Variants in RBFOX1 observed in about 807,000 individuals in gnomAD.
RBFOX1 encodes the protein RNA binding fox-1 homolog 1.
A neutral mutation model predicts 57.7 loss-of-function variants in RBFOX1; 8 were observed. The ratio of observed to expected loss-of-function variants is 0.14; its 90% confidence interval spans 0.08 to 0.25. The LOEUF (loss-of-function observed/expected upper bound fraction) is 0.25, where lower values mean the gene tolerates loss of function less well. Ranked by LOEUF, RBFOX1 falls within the 10% of genes least tolerant of loss-of-function variation. The pLI is 1.00. For synonymous variants in RBFOX1, 326 were observed against 222.4 expected (o/e 1.47, Z -4.15); for missense variants, 611 against 548.5 (o/e 1.11, Z -1.14).
At chr16:6,590,600 C>G (rs1263872307) in intron 2 of RBFOX1, among the ~76,000 whole-genome samples, 1 of 152,164 alleles carries the variant, frequency 6.6e-6, no homozygotes, top group African/African-American at 2.4e-5. Flanking sequence ...AAGCAGTTCT[C>G]AGCTTAAGAA....
chr16:6,966,190 G>C (rs375547127), intron 3 of RBFOX1, among the ~76,000 whole-genome samples: 2 of 152,074 alleles, frequency 1.3e-5, no homozygotes, highest in South Asian at 2.1e-4. Flanking sequence ...CTATCTCTCT[G>C]AGCCAGCTGC....
chr16:7,512,053 C>T (rs961895109), intron 4 of RBFOX1, among the ~76,000 whole-genome samples: 1 of 151,992 alleles, frequency 6.6e-6, no homozygotes, highest in South Asian at 2.1e-4. Flanking sequence ...CACCCACAAG[C>T]ACCCTGACTC....
chr16:6,975,693 G>A (rs1423577150), intron 3 of RBFOX1, among the ~76,000 whole-genome samples: 1 of 152,110 alleles, frequency 6.6e-6, no homozygotes, highest in Non-Finnish European at 1.5e-5. Context: ...TCTTCCCTTG[G>A]AACATCAATT....
At chr16:5,711,866 G>A (rs755505157) in intron 3 of RBFOX1, among the ~76,000 whole-genome samples, 11 of 152,208 alleles carry the variant, frequency 7.2e-5, no homozygotes, top group Admixed American at 1.3e-4. Flanking sequence ...AATAGTAACA[G>A]CCTCTATTTA....
chr16:5,553,029 A>G (rs2045524257), intron 2 of RBFOX1, among the ~76,000 whole-genome samples: 1 of 152,134 alleles, frequency 6.6e-6, no homozygotes, highest in Admixed American at 6.5e-5. Context: ...AACTGTCACA[A>G]GGATAGAAAA....
intron 5 of RBFOX1, among the ~76,000 whole-genome samples, chr16:7,566,668 G>C (rs939176400): frequency 8.5e-5 from 13 of 152,072 alleles, no homozygotes; most frequent in African/African-American, 2.9e-4. Flanking sequence ...TTTCCATCCT[G>C]TATCCCAGAC....
chr16:6,473,583 G>A (rs2095225698), intron 2 of RBFOX1, among the ~76,000 whole-genome samples: 1 of 150,832 alleles, frequency 6.6e-6, no homozygotes, highest in African/African-American at 2.4e-5. Context: ...ATTTTTATTT[G>A]GTTGGTCTTT....
At chr16:6,719,280 C>A in intron 3 of RBFOX1, among the ~76,000 whole-genome samples, 1 of 150,892 alleles carries the variant, frequency 6.6e-6, no homozygotes, top group Non-Finnish European at 1.5e-5. Context: ...ATTCAATATT[C>A]AACAGAAAAA....
intron 4 of RBFOX1, among the ~76,000 whole-genome samples, chr16:7,196,528 C>A (rs1054930059): frequency 6.6e-6 from 1 of 152,198 alleles, no homozygotes; most frequent in African/African-American, 2.4e-5. Context: ...TTAGTGCAAC[C>A]GGCTCTTTAA....
intron 4 of RBFOX1, among the ~76,000 whole-genome samples, chr16:7,348,661 G>C (rs926639393): frequency 9.2e-5 from 14 of 152,208 alleles, no homozygotes; most frequent in African/African-American, 3.1e-4. Flanking sequence ...TACACAAAAG[G>C]CCGGTTGCCG....
Position 6,832,900 on chromosome 16 carries a change from G to C in RBFOX1, c.-16+178250G>C, listed in dbSNP as rs537072494. Among the ~76,000 whole-genome samples, 6 of 152,304 alleles carry C rather than the reference G, an allele frequency of 3.9e-5. No individual in the cohort carries two copies. In the East Asian group the frequency reaches 5.8e-4, roughly 15 times the overall value. ...TGGTTCTGGATTGACAGGCGAACTA[G>C]TGTATCTGCATTTCTGCAGCTTTCA... On this transcript the variant is annotated intron_variant, in intron 3 of 15. Transcript: ENST00000550418.
chr16:7,348,790 A>C (rs1193085540), intron 4 of RBFOX1, among the ~76,000 whole-genome samples: 1 of 152,096 alleles, frequency 6.6e-6, no homozygotes, highest in African/African-American at 2.4e-5. Flanking sequence ...AAAAATGCCA[A>C]AATTAGCCAG....
chr16:6,814,961 C>T (rs79552319), intron 3 of RBFOX1, among the ~76,000 whole-genome samples: 4,398 of 152,250 alleles, frequency 0.029, 217 homozygotes, highest in South Asian at 0.14. Flanking sequence ...AATGGCTGTT[C>T]TACAGGCAGA....
At chr16:6,469,131 T>C (rs1567345796) in intron 2 of RBFOX1, among the ~76,000 whole-genome samples, 1 of 152,146 alleles carries the variant, frequency 6.6e-6, no homozygotes, top group African/African-American at 2.4e-5. Context: ...ACCTGAACCA[T>C]TGGAGTTCTG....
intron 4 of RBFOX1, among the ~76,000 whole-genome samples, chr16:7,478,859 C>A (rs768159432): frequency 6.6e-5 from 10 of 152,084 alleles, no homozygotes; most frequent in Non-Finnish European, 1.3e-4. Flanking sequence ...GAGTCGAGCG[C>A]CTTGAAATAG....
At chr16:7,579,662 C>A in intron 5 of RBFOX1, 115 bp from the exon 6 acceptor site, 2 of 1,313,602 alleles carry the variant, frequency 1.5e-6, no homozygotes, top group Non-Finnish European at 2.1e-6. Context: ...ATTTTCTTCC[C>A]TTCTCAGATT....
chr16:6,779,839 T>TTATATATTTA (rs2080144655), intron 3 of RBFOX1, among the ~76,000 whole-genome samples: 1 of 12,630 alleles, frequency 7.9e-5, no homozygotes, highest in Non-Finnish European at 1.2e-4. Context: ...TTTTATATAT[T>TTATATATTTA]TATATATATA....
At chr16:6,881,247 C>T (rs1230827370) in intron 3 of RBFOX1, among the ~76,000 whole-genome samples, 2 of 152,132 alleles carry the variant, frequency 1.3e-5, no homozygotes, top group Non-Finnish European at 2.9e-5. Context: ...ATAAGGTTCC[C>T]AAGATTGGAC....
At chr16:5,790,699 G>A (rs1474953413) in intron 3 of RBFOX1, among the ~76,000 whole-genome samples, 1 of 152,038 alleles carries the variant, frequency 6.6e-6, no homozygotes, top group Non-Finnish European at 1.5e-5. Flanking sequence ...GGGCTGCCAT[G>A]GAAATGAAAG....
Sources: allele counts gnomAD v4.1 joint callset (sites outside exome capture counted in the v4.1 genomes callset), GRCh38; gene constraint gnomAD v4.1.1; transcripts MANE v1.5; gene names NCBI Gene and HGNC (gene_info 2026-07-23, HGNC 2026-07-21).